Variants in SBNO2 observed in about 807,000 individuals in gnomAD.
The protein encoded by SBNO2 is strawberry notch homolog 2.
SBNO2 carries 89 observed loss-of-function variants against 146.3 expected under a neutral mutation model. The ratio of observed to expected loss-of-function variants is 0.61; its 90% CI spans 0.51 to 0.73. SBNO2 has a LOEUF of 0.73. Ranked by LOEUF, SBNO2 falls within the 30% of genes least tolerant of loss-of-function variation. The probability of loss-of-function intolerance (pLI) is 0.00; values close to 1 mark genes in which losing one functional copy is unlikely to be tolerated. For missense variants in SBNO2, 2,092 were observed against 2,003.7 expected (o/e 1.04, Z -0.84); for synonymous variants, 1,147 against 892.6 (o/e 1.29, Z -5.08).
At chr19:1,163,794 C>T (rs1163475155) in intron 1 of SBNO2, among the ~76,000 whole-genome samples, 2 of 152,256 alleles carry the variant, frequency 1.3e-5, no homozygotes, top group Admixed American at 6.5e-5. Context: ...AGGATGAGGA[C>T]GAGGTGGGCC....
intron 4 of SBNO2, among the ~76,000 whole-genome samples, chr19:1,142,663 G>C (rs2080152206): frequency 6.6e-6 from 1 of 152,136 alleles, no homozygotes; most frequent in Non-Finnish European, 1.5e-5. Context: ...CTGGGTGACA[G>C]AGCGAGACTC....
In SBNO2 at chr19:1,108,510, G is replaced by A. The variant is rs1185594856; in HGVS notation, c.3811C>T (p.Pro1271Ser). ...GGCGCCGGGAAAGAGAAGTGCGGGG[G>A]CGGCGGGAAGGCCTCGGCCGGGGGG... ...YSPPAEAFPP[P>S]PHFSFPAPLS... The change falls in exon 32 of 32, where the codon CCC (proline) becomes TCC (serine). Residue 1271 changes from proline to serine, a missense_variant. Pro to Ser is a moderately conservative substitution (Grantham distance 74, BLOSUM62 -1). Transcript: ENST00000361757. 1 of 1,219,044 alleles carries A rather than the reference G, an allele frequency of 8.2e-7. No homozygotes were observed. The highest frequency in any genetic ancestry group is 1.0e-6 in the Non-Finnish European group (1 of 977,054). 75.5% of individuals were successfully genotyped at this position (1,219,044 alleles called of 1,614,324 possible). A position where few individuals can be genotyped will look rare whatever the true frequency, so the allele number is the denominator to read the frequency against.
At chr19:1,146,013 C>T (rs939418111) in intron 4 of SBNO2, among the ~76,000 whole-genome samples, 2 of 152,080 alleles carry the variant, frequency 1.3e-5, no homozygotes, top group African/African-American at 4.8e-5. Flanking sequence ...ACAGCTCTGA[C>T]CCACCTCTTC....
intron 23 of SBNO2, 109 bp downstream of exon 23, chr19:1,111,887 G>A (rs956411846): frequency 3.4e-4 from 373 of 1,103,196 alleles, no homozygotes; most frequent in Non-Finnish European, 4.7e-4. Context: ...AGACCACTGA[G>A]CCCCACGTTC....
intron 4 of SBNO2, among the ~76,000 whole-genome samples, chr19:1,141,096 C>T (rs1401529111): frequency 2.7e-5 from 4 of 147,404 alleles, no homozygotes; most frequent in Non-Finnish European, 4.5e-5. Context: ...CCGGAGAAGA[C>T]GCGCCCCGGA....
Position 1,121,140 on chromosome 19 carries a change from C to T in SBNO2, c.1149+999G>A, listed in dbSNP as rs184363717. 1.8e-3 allele frequency among the ~76,000 whole-genome samples: 271 copies of T among 152,318 alleles called. 2 individuals carry two copies. The highest frequency in any genetic ancestry group is 5.1e-4 in the Non-Finnish European group (35 of 68,032). Reference sequence around the variant, plus strand: ...TCCTGACCTCGTGATTCGCCTGCCTCGGCCTCCCAAAGTGCTGGGATTACA... The same window carrying T: ...TCCTGACCTCGTGATTCGCCTGCCTTGGCCTCCCAAAGTGCTGGGATTACA... On this transcript the variant is annotated intron_variant, in intron 11 of 31. Transcript: ENST00000361757.
In SBNO2 at chr19:1,108,264, T is replaced by A. The variant is rs765952457; in HGVS notation, c.4057A>T (p.Ile1353Phe). 1,045 of 1,522,566 alleles carry A rather than the reference T, an allele frequency of 6.9e-4. No individual in the cohort carries two copies. The highest frequency in any genetic ancestry group is 8.8e-4 in the Non-Finnish European group (992 of 1,133,400). 94.3% of individuals were successfully genotyped at this position (1,522,566 alleles called of 1,614,324 possible). Residue 1353 changes from isoleucine (I) to phenylalanine (F), a missense_variant, in exon 32 of 32, where the codon ATC (isoleucine) becomes TTC (phenylalanine). Ile to Phe is a conservative substitution (Grantham distance 21). Coordinates refer to ENST00000361757, the MANE Select transcript of SBNO2 (RefSeq NM_014963.3). ...CCGGGGAAGGGTGGGCTGAACTGGA[T>A]CACGCTCTGCCGCTCGGGACCACCG... ...AGGGPERQSV[I>F]QFSPPFPGAQ...
chr19:1,119,675 G>A (rs1033538188), intron 12 of SBNO2, 54 bp from the exon 13 acceptor site: 83 of 1,449,404 alleles, frequency 5.7e-5, no homozygotes, highest in Middle Eastern at 1.7e-4. Context: ...CAGAGGCCGC[G>A]TCAGGGGACG....
Position 1,126,815 on chromosome 19 carries a change from G to A in SBNO2, c.441+789C>T, listed in dbSNP as rs565353715. Among the ~76,000 whole-genome samples, 29 of 152,328 alleles carry A rather than the reference G, an allele frequency of 1.9e-4. No individual in the cohort carries two copies. The highest frequency in any genetic ancestry group is 3.1e-4 in the Non-Finnish European group (21 of 68,016). ...AGAAGCTTCTCTCGTGGACAGGCCCGGATTGGGGAAGGGACTTGCCAGGCC... is the reference window on the plus strand; with the variant it reads ...AGAAGCTTCTCTCGTGGACAGGCCCAGATTGGGGAAGGGACTTGCCAGGCC... On this transcript the variant is annotated intron_variant, in intron 5 of 31. Coordinates refer to ENST00000361757, the MANE Select transcript of SBNO2 (RefSeq NM_014963.3). This position sits in a 1 kb window ranked among gnomAD's most constrained non-coding sequence, Gnocchi z 4.4.
chr19:1,127,583 G>C, intron 5 of SBNO2, 21 bp downstream of exon 5: 1 of 1,606,920 alleles, frequency 6.2e-7, no homozygotes, highest in Non-Finnish European at 8.5e-7. Context: ...GGGGCTGGCT[G>C]GGGGCACCGG....
rs538598985 is a variant in SBNO2 at position 1,111,373 on chromosome 19, C to T, written c.2809+133G>A. 6.1e-5 allele frequency: 46 copies of T among 750,956 alleles called. No individual in the cohort carries two copies. In the African/African-American group the frequency reaches 6.7e-4, roughly 11 times the overall value. The allele number at this position is 750,956 out of a possible 1,614,324, so 46.5% of individuals were successfully genotyped here. A position where few individuals can be genotyped will look rare whatever the true frequency, so the allele number is the denominator to read the frequency against. ...CTTGGCTCCCTTTGCCTTCACAGCC[C>T]TCTCTGTCCGTGTGTGGGGAGGGGT... On this transcript the variant is annotated intron_variant, in intron 24 of 31. Transcript: ENST00000361757.
intron 6 of SBNO2, 44 bp downstream of exon 6, chr19:1,123,898 C>G: frequency 6.4e-7 from 1 of 1,572,496 alleles, no homozygotes. Context: ...CCTTAGGTCC[C>G]ATGAGAGGGC....
intron 2 of SBNO2, 149 bp from the exon 3 acceptor site, chr19:1,149,591 G>A (rs1470198233): frequency 2.9e-6 from 2 of 681,298 alleles, no homozygotes; most frequent in East Asian, 5.5e-5. Context: ...CTCCTGGGGA[G>A]TCATTTAACT....
Position 1,123,193 on chromosome 19 carries a change from G to C in SBNO2, c.629-148C>G, listed in dbSNP as rs926382576. 8.5e-6 allele frequency: 8 copies of C among 943,430 alleles called. No individual in the cohort carries two copies. In the African/African-American group the frequency reaches 1.3e-4, roughly 15 times the overall value. The allele number at this position is 943,430 out of a possible 1,614,324, so 58.4% of individuals were successfully genotyped here. A position where few individuals can be genotyped will look rare whatever the true frequency, so the allele number is the denominator to read the frequency against. ...CCAGGTCCCGTTGGGCGGGTCATGG[G>C]CGTGGCCAGGAATGCCTGGGTGGAG... On this transcript the variant is annotated intron_variant, in intron 7 of 31. Coordinates refer to ENST00000361757, the MANE Select transcript of SBNO2 (RefSeq NM_014963.3).
rs1256037130 is a variant in SBNO2 at position 1,112,403 on chromosome 19, G to A, written c.2514C>T (p.Phe838=). 1.7e-5 allele frequency: 28 copies of A among 1,601,204 alleles called. No individual in the cohort carries two copies. The highest frequency in any genetic ancestry group is 2.7e-5 in the African/African-American group (2 of 74,774). The change falls in exon 21 of 32, where the codon TTC becomes TTT. Residue 838 remains phenylalanine (F), a splice_region_variant and synonymous_variant. Coordinates refer to ENST00000361757, the MANE Select transcript of SBNO2 (RefSeq NM_014963.3). The surrounding 1 kb of genome is among the most constrained non-coding windows in gnomAD (Gnocchi z 5.9). ...CGCTGGGGGCGGGGCCGGACTCACCGAACTGCTGGATGGCGCGGTCGGCGC... is the reference window on the plus strand; with the variant it reads ...CGCTGGGGGCGGGGCCGGACTCACCAAACTGCTGGATGGCGCGGTCGGCGC... ...PWSADRAIQQ[F]GRTHRSNQVS... is the part of the protein sequence containing the mutation.
At chr19:1,114,688 G>A (rs2079810579) in intron 17 of SBNO2, among the ~76,000 whole-genome samples, 2 of 152,202 alleles carry the variant, frequency 1.3e-5, no homozygotes, top group African/African-American at 2.4e-5. Flanking sequence ...CTGTCGCCAG[G>A]CTGGAGAACG....
chr19:1,119,077 G>C lies in SBNO2; in HGVS notation c.1461C>G (p.Thr487=). Residue 487 remains threonine (T), a synonymous_variant, in exon 14 of 32, where the codon ACC becomes ACG. Coordinates refer to ENST00000361757, the MANE Select transcript of SBNO2 (RefSeq NM_014963.3). The part of the protein sequence containing the change: ...IARQLSFSGV[T]FRIEEIPLAP... ...CCAGCGGGATCTCCTCGATGCGGAA[G>C]GTGACGCCGGAGAAGCTGAGCTGGC... is the stretch of plus-strand genomic sequence containing the variant. 6.2e-7 allele frequency: 1 copy of C among 1,606,010 alleles called. No individual in the cohort carries two copies. The highest frequency in any genetic ancestry group is 8.5e-7 in the Non-Finnish European group (1 of 1,177,240).
In SBNO2 at chr19:1,123,186, G is replaced by T. The variant is rs1392457805; in HGVS notation, c.629-141C>A. On this transcript the variant is annotated intron_variant, in intron 7 of 31. Transcript: ENST00000361757. Reference sequence around the variant, plus strand: ...GGCGTGGCCAGGTCCCGTTGGGCGGGTCATGGGCGTGGCCAGGAATGCCTG... The same window carrying T: ...GGCGTGGCCAGGTCCCGTTGGGCGGTTCATGGGCGTGGCCAGGAATGCCTG... 3.1e-6 allele frequency: 3 copies of T among 979,600 alleles called. No individual in the cohort carries two copies. The East Asian group carries it at 7.8e-5, about 26-fold the overall frequency. 60.7% of individuals were successfully genotyped at this position (979,600 alleles called of 1,614,324 possible).
chr19:1,109,897 G>A lies in SBNO2; in HGVS notation c.3029-120C>T, dbSNP rs2079734383. On this transcript the variant is annotated intron_variant, in intron 26 of 31. Coordinates refer to ENST00000361757, the MANE Select transcript of SBNO2 (RefSeq NM_014963.3). The surrounding 1 kb of genome is among the most constrained non-coding windows in gnomAD (Gnocchi z 4.2). ...ACCCCCCGAGAGCACAGGAGAGGGT[G>A]TCCTGGATCCTGGCCTGACCTGGCC... The A allele has an allele frequency of 5.5e-6, 4 of 729,490 alleles. No homozygotes were observed. The highest frequency in any genetic ancestry group is 8.9e-6 in the Non-Finnish European group (4 of 448,740). The allele number at this position is 729,490 out of a possible 1,614,324, so 45.2% of individuals were successfully genotyped here. A position where few individuals can be genotyped will look rare whatever the true frequency, so the allele number is the denominator to read the frequency against.
Sources: allele counts gnomAD v4.1 joint callset (sites outside exome capture counted in the v4.1 genomes callset), GRCh38; gene constraint gnomAD v4.1.1; non-coding constraint Gnocchi (gnomAD v3.1); transcripts MANE v1.5; gene names NCBI Gene and HGNC (gene_info 2026-07-23, HGNC 2026-07-21).